PACSIN2: variants seen among roughly 807,000 people sequenced by gnomAD.
PACSIN2 encodes the protein protein kinase C and casein kinase substrate in neurons 2.
In PACSIN2, 25 loss-of-function variants were observed where a neutral mutation model predicts 63.8. That is an observed-to-expected ratio of 0.39 (90% CI 0.29 to 0.55). The LOEUF is 0.55. Ranked by LOEUF, PACSIN2 falls within the 20% of genes least tolerant of loss-of-function variation. The pLI is 0.62. For synonymous variants in PACSIN2, 255 were observed against 256.2 expected (o/e 1.00, Z 0.05); for missense variants, 518 against 646.9 (o/e 0.80, Z 2.16).
chr22:43,000,550 C>T (rs1923703857), intron 1 of PACSIN2, among the ~76,000 whole-genome samples: 1 of 152,076 alleles, frequency 6.6e-6, no homozygotes, highest in South Asian at 2.1e-4. Flanking sequence ...CCTGCAAGTT[C>T]CTAGTAGAGG....
intron 3 of PACSIN2, 57 bp downstream of exon 3, chr22:42,893,400 C>T (rs1930051062): frequency 1.9e-6 from 3 of 1,559,706 alleles, no homozygotes; most frequent in South Asian, 1.1e-5. Flanking sequence ...GTGCCCAGAG[C>T]CCCCGGCTGG....
At chr22:42,909,586 C>G in intron 2 of PACSIN2, 1 of 471,130 alleles carries the variant, frequency 2.1e-6, no homozygotes, top group Non-Finnish European at 4.4e-6. Flanking sequence ...ATTTCAGGGA[C>G]AGCATCACAA....
chr22:42,946,424 G>C (rs997495508), intron 1 of PACSIN2, among the ~76,000 whole-genome samples: 2 of 152,210 alleles, frequency 1.3e-5, no homozygotes, highest in African/African-American at 4.8e-5. Context: ...GAGCAGCAAT[G>C]TACCACGGGC....
intron 1 of PACSIN2, among the ~76,000 whole-genome samples, chr22:42,972,663 C>T (rs1339596153): frequency 1.3e-5 from 2 of 152,136 alleles, no homozygotes; most frequent in African/African-American, 4.8e-5. Flanking sequence ...AGGAGAATTC[C>T]ACCTCTGGGC....
chr22:42,945,679 C>T (rs970385179), intron 1 of PACSIN2: 3 of 152,390 alleles, frequency 2.0e-5, no homozygotes, highest in Non-Finnish European at 4.4e-5. Flanking sequence ...ATCAGCTCTT[C>T]AATATCTCTT....
At chr22:42,882,738 G>A (rs974348323) in intron 6 of PACSIN2, among the ~76,000 whole-genome samples, 9 of 152,124 alleles carry the variant, frequency 5.9e-5, no homozygotes, top group Non-Finnish European at 1.3e-4. Context: ...AAGATGACCC[G>A]GTGCTGAACA....
At chr22:42,897,928 C>T (rs1440052410) in intron 2 of PACSIN2, among the ~76,000 whole-genome samples, 1 of 152,088 alleles carries the variant, frequency 6.6e-6, no homozygotes, top group Non-Finnish European at 1.5e-5. Context: ...GGGAATGGAA[C>T]ACAGAACACA....
chr22:42,963,410 C>A (rs553645950), intron 1 of PACSIN2, among the ~76,000 whole-genome samples: 5 of 152,340 alleles, frequency 3.3e-5, no homozygotes, highest in Non-Finnish European at 7.3e-5. Flanking sequence ...GCAAACAACA[C>A]GCAGGGCAGC....
Position 42,935,171 on chromosome 22 carries a change from C to T in PACSIN2, c.-77-23014G>A, listed in dbSNP as rs571735088. On this transcript the variant is annotated intron_variant, in intron 1 of 10. Coordinates refer to ENST00000263246, the MANE Select transcript of PACSIN2 (RefSeq NM_001184970.3). ...CGATCTCCTGACCTCATGATCTGCCCGTCTCGGCCTCCCAAAGTGCTGGGA... is the reference window on the plus strand; with the variant it reads ...CGATCTCCTGACCTCATGATCTGCCTGTCTCGGCCTCCCAAAGTGCTGGGA... Among the ~76,000 whole-genome samples, 887 of 151,956 alleles carry T rather than the reference C, an allele frequency of 5.8e-3. 4 individuals carry two copies. The highest frequency in any genetic ancestry group is 0.028 in the South Asian group (135 of 4,806).
chr22:43,006,381 G>A (rs192542923), intron 1 of PACSIN2, among the ~76,000 whole-genome samples: 8 of 152,168 alleles, frequency 5.3e-5, no homozygotes, highest in African/African-American at 1.7e-4. Flanking sequence ...GATGGAGCTC[G>A]AACCCACACC....
intron 5 of PACSIN2, among the ~76,000 whole-genome samples, chr22:42,885,085 T>TC (rs1449305258): frequency 6.6e-6 from 1 of 152,098 alleles, no homozygotes. Flanking sequence ...GCCCACTCCA[T>TC]CCCCCTCACA....
intron 1 of PACSIN2, among the ~76,000 whole-genome samples, chr22:42,953,694 G>T (rs755765366): frequency 6.6e-6 from 1 of 152,132 alleles, no homozygotes; most frequent in Non-Finnish European, 1.5e-5. Context: ...CTAAAACTCC[G>T]AGAGGTTAAG....
At chr22:42,944,746 T>C (rs1379729670) in intron 1 of PACSIN2, among the ~76,000 whole-genome samples, 4 of 152,042 alleles carry the variant, frequency 2.6e-5, no homozygotes, top group Non-Finnish European at 4.4e-5. Flanking sequence ...CATCCGAAAT[T>C]GGGTATAAGC....
chr22:42,975,456 A>AT lies in PACSIN2; in HGVS notation c.-78+39564_-78+39565insA, dbSNP rs1491456607. 5.1e-4 allele frequency among the ~76,000 whole-genome samples: 65 copies of AT among 127,200 alleles called. 3 individuals carry two copies. The highest frequency in any genetic ancestry group is 1.7e-3 in the African/African-American group (57 of 32,960). The allele number at this position is 127,200 out of a possible 152,430, so 83.4% of individuals were successfully genotyped here. ...CTCTACAAAAATAAAAAATATATAC[A>AT]AATATATATATATATAGCATGCACA... On this transcript the variant is annotated intron_variant, in intron 1 of 10. Coordinates refer to ENST00000263246, the MANE Select transcript of PACSIN2 (RefSeq NM_001184970.3).
chr22:43,007,671 C>A (rs1374050150), intron 1 of PACSIN2, among the ~76,000 whole-genome samples: 1 of 152,214 alleles, frequency 6.6e-6, no homozygotes, highest in South Asian at 2.1e-4. Context: ...GACCCGCCCT[C>A]CTCTGTCGTG....
intron 8 of PACSIN2, among the ~76,000 whole-genome samples, chr22:42,877,215 C>T (rs933894823): frequency 6.6e-6 from 1 of 152,198 alleles, no homozygotes; most frequent in South Asian, 2.1e-4. Context: ...TAGGAGAGGA[C>T]TTGGTTTCCC....
chr22:42,976,580 C>A (rs1263759206), intron 1 of PACSIN2, among the ~76,000 whole-genome samples: 1 of 152,218 alleles, frequency 6.6e-6, no homozygotes, highest in Non-Finnish European at 1.5e-5. Flanking sequence ...TATGTAGATT[C>A]TATGACTGTT....
At chr22:42,963,365 G>A (rs1920929951) in intron 1 of PACSIN2, among the ~76,000 whole-genome samples, 1 of 152,202 alleles carries the variant, frequency 6.6e-6, no homozygotes, top group African/African-American at 2.4e-5. Flanking sequence ...AAGACCAGCA[G>A]CGCCACCCAT....
chr22:42,959,577 C>A (rs1012676668), intron 1 of PACSIN2: 1 of 152,212 alleles, frequency 6.6e-6, no homozygotes, highest in Non-Finnish European at 1.5e-5. Flanking sequence ...CTTACTCTGA[C>A]ATCTTCTCCA....
Sources: allele counts gnomAD v4.1 joint callset (sites outside exome capture counted in the v4.1 genomes callset), GRCh38; gene constraint gnomAD v4.1.1; transcripts MANE v1.5; gene names NCBI Gene and HGNC (gene_info 2026-07-23, HGNC 2026-07-21).